The following BCKDHB variants were observed in gnomAD, a reference collection of about 807,000 sequenced individuals.
BCKDHB encodes the protein 2-oxoisovalerate dehydrogenase subunit beta, mitochondrial.
In BCKDHB, 41 loss-of-function variants were observed where a neutral mutation model predicts 48.5. That is an observed-to-expected ratio of 0.85 (90% CI 0.66 to 1.10). BCKDHB has a LOEUF of 1.10. Ranked by LOEUF, BCKDHB falls within the 50% of genes least tolerant of loss-of-function variation. The pLI, the probability that BCKDHB is intolerant of heterozygous loss-of-function variation, is 0.00. For missense variants in BCKDHB, 496 were observed against 494.2 expected, an observed-to-expected ratio of 1.00 and a Z score of -0.03; for synonymous variants, 201 against 174.8, an observed-to-expected ratio of 1.15 and a Z score of -1.18.
At chr6:80,202,397 T>G (rs1774438765) in intron 7 of BCKDHB, among the ~76,000 whole-genome samples, 2 of 152,192 alleles carry the variant, frequency 1.3e-5, no homozygotes, top group Admixed American at 1.3e-4. Flanking sequence ...TCTCCTTAAA[T>G]ACGATTATGT....
intron 9 of BCKDHB, among the ~76,000 whole-genome samples, chr6:80,316,024 T>C (rs778735177): frequency 1.3e-5 from 2 of 152,196 alleles, no homozygotes; most frequent in African/African-American, 2.4e-5. Flanking sequence ...AGTGAAAATA[T>C]CTTTCGGGGA....
At chr6:80,413,181 C>T in the BCKDHB span, among the ~76,000 whole-genome samples, 1 of 152,088 alleles carries the variant, frequency 6.6e-6, no homozygotes, top group African/African-American at 2.4e-5. Flanking sequence ...CGAGGGCTTT[C>T]TTTACTCCTT....
intron 9 of BCKDHB, among the ~76,000 whole-genome samples, chr6:80,341,273 CAT>C (rs1769890080): frequency 6.6e-6 from 1 of 152,116 alleles, no homozygotes; most frequent in African/African-American, 2.4e-5. Flanking sequence ...ATTTATGTAA[CAT>C]AACACAGGAA....
At chr6:80,315,113 TG>T (rs1768371322) in intron 9 of BCKDHB, among the ~76,000 whole-genome samples, 1 of 152,170 alleles carries the variant, frequency 6.6e-6, no homozygotes, top group African/African-American at 2.4e-5. Context: ...GAACTGACAC[TG>T]CTCAGCTCCC....
chr6:80,425,068 G>A, the BCKDHB span, among the ~76,000 whole-genome samples: 1 of 152,288 alleles, frequency 6.6e-6, no homozygotes, highest in East Asian at 1.9e-4. Flanking sequence ...CCAGACTGAA[G>A]AAGTGGAACA....
At chr6:80,143,306 G>A (rs1352082829) in intron 3 of BCKDHB, among the ~76,000 whole-genome samples, 2 of 152,144 alleles carry the variant, frequency 1.3e-5, no homozygotes, top group Non-Finnish European at 1.5e-5. Context: ...ATCTAAATGT[G>A]TAGGTTATTA....
At chr6:80,263,724 G>A (rs1352698547) in intron 8 of BCKDHB, among the ~76,000 whole-genome samples, 1 of 152,152 alleles carries the variant, frequency 6.6e-6, no homozygotes, top group Non-Finnish European at 1.5e-5. Flanking sequence ...TAGACAACCA[G>A]CTGGCTTCAG....
At position 80,169,021 on chromosome 6, in the gene BCKDHB, A is replaced by G. The variant is rs111847452; in HGVS notation, c.624A>G (p.Pro208=). Residue 208 remains proline (P), a synonymous_variant, in exon 5 of 10, where the codon CCA becomes CCG. Coordinates refer to ENST00000320393, the MANE Select transcript of BCKDHB (RefSeq NM_183050.4). ...CTGAAGCATTTTTTGCCCATTGCCC[A>G]GGAATCAAGGTATGTTCATTTATGT... The part of the protein sequence containing the change: ...QSPEAFFAHC[P]GIKVVIPRSP... 3 of 1,614,036 alleles carry G rather than the reference A, an allele frequency of 1.9e-6. No homozygotes were observed. The highest frequency in any genetic ancestry group is 2.5e-6 in the Non-Finnish European group (3 of 1,179,894).
the BCKDHB span, among the ~76,000 whole-genome samples, chr6:80,404,861 T>C: frequency 6.6e-6 from 1 of 152,120 alleles, no homozygotes; most frequent in African/African-American, 2.4e-5. Context: ...CCAGTTTGTC[T>C]CCTGTTATTG....
the BCKDHB span, among the ~76,000 whole-genome samples, chr6:80,362,891 A>G: frequency 6.6e-6 from 1 of 152,220 alleles, no homozygotes; most frequent in African/African-American, 2.4e-5. Flanking sequence ...TGAAAGTTGC[A>G]TTAACCAAAG....
the BCKDHB span, among the ~76,000 whole-genome samples, chr6:80,453,792 T>G: frequency 6.6e-6 from 1 of 152,130 alleles, no homozygotes; most frequent in Admixed American, 6.5e-5. Context: ...TAGTGCATTA[T>G]TTTCCTGATC....
chr6:80,260,489 C>CTTACT (rs1475385580), intron 8 of BCKDHB, among the ~76,000 whole-genome samples: 1 of 152,036 alleles, frequency 6.6e-6, no homozygotes, highest in Admixed American at 6.6e-5. Flanking sequence ...TTCAGAAGTA[C>CTTACT]GGTACATCAC....
intron 6 of BCKDHB, among the ~76,000 whole-genome samples, chr6:80,173,462 G>A (rs938257060): frequency 6.6e-6 from 1 of 152,086 alleles, no homozygotes; most frequent in Non-Finnish European, 1.5e-5. Flanking sequence ...TCTCTAGATG[G>A]TTGTCTAAGT....
At chr6:80,221,023 G>T (rs774570228) in intron 8 of BCKDHB, among the ~76,000 whole-genome samples, 2 of 151,970 alleles carry the variant, frequency 1.3e-5, no homozygotes, top group Non-Finnish European at 2.9e-5. Context: ...GTGAGCCACC[G>T]CACCTGGCTA....
chr6:80,341,899 C>T (rs1302621102), intron 9 of BCKDHB, among the ~76,000 whole-genome samples: 1 of 152,130 alleles, frequency 6.6e-6, no homozygotes, highest in Non-Finnish European at 1.5e-5. Flanking sequence ...AGAAATAATC[C>T]ACCCAGTCTG....
intron 8 of BCKDHB, among the ~76,000 whole-genome samples, chr6:80,240,945 G>A (rs643987): frequency 0.35 from 52,986 of 151,718 alleles, 9,581 homozygotes; most frequent in Non-Finnish European, 0.41. Context: ...GGCTTTTTTC[G>A]TTTCTTTTTA....
At chr6:80,459,341 A>T in the BCKDHB span, among the ~76,000 whole-genome samples, 1 of 152,214 alleles carries the variant, frequency 6.6e-6, no homozygotes, top group South Asian at 2.1e-4. Context: ...AATATGCATG[A>T]ACCTTGAGAA....
chr6:80,212,303 T>A (rs1774974064), intron 8 of BCKDHB, among the ~76,000 whole-genome samples: 2 of 152,084 alleles, frequency 1.3e-5, no homozygotes, highest in Non-Finnish European at 2.9e-5. Context: ...ATTCCCAGAG[T>A]GGCTGTTTTA....
At chr6:80,405,637 A>AT in the BCKDHB span, among the ~76,000 whole-genome samples, 1 of 49,140 alleles carries the variant, frequency 2.0e-5, no homozygotes, top group Non-Finnish European at 9.5e-5. Context: ...ATGATTTAAT[A>AT]ATTTTTTGCA....
Sources: allele counts gnomAD v4.1 joint callset (sites outside exome capture counted in the v4.1 genomes callset), GRCh38; gene constraint gnomAD v4.1.1; transcripts MANE v1.5; gene names NCBI Gene and HGNC (gene_info 2026-07-23, HGNC 2026-07-21).